The following EVPL variants were observed in gnomAD, a reference collection of about 807,000 sequenced individuals.
EVPL encodes 210 kDa cornified envelope precursor protein.
EVPL carries 94 observed loss-of-function variants against 129.7 expected under a neutral mutation model. The observed-to-expected ratio is 0.72, with a 90% CI of 0.61 to 0.86. The LOEUF is 0.86. EVPL is among the 40% of genes least tolerant of loss of function. The pLI is 0.00. For missense variants in EVPL, 2,625 were observed against 2,721.1 expected, an observed-to-expected ratio of 0.96 and a Z score of 0.79; for synonymous variants, 1,172 against 1,191.1, an observed-to-expected ratio of 0.98 and a Z score of 0.33.
intron 7 of EVPL, 38 bp from the exon 8 acceptor site, chr17:76,021,819 C>G (rs779079157): frequency 1.1e-5 from 17 of 1,570,332 alleles, no homozygotes; most frequent in Non-Finnish European, 1.3e-5. Flanking sequence ...GGTGAGGACC[C>G]GGATGGCCCT....
chr17:76,018,479 G>C lies in EVPL; in HGVS notation c.1406C>G (p.Ala469Gly). The change falls in exon 12 of 22, where the codon GCA (alanine) becomes GGA (glycine). Residue 469 changes from alanine to glycine, a missense_variant. By Grantham distance (60) the Ala-to-Gly change is moderately conservative. Around this residue, in one of 4 missense-constraint regions of EVPL, gnomAD observed 1,024 missense variants for 997.5 expected, o/e 1.03. Coordinates refer to ENST00000301607, the MANE Select transcript of EVPL (RefSeq NM_001988.4). ...RAPAACFCIP[A>G]PDPDAVARAS... ...CCTGGCCACAGCATCAGGGTCTGGT[G>C]CTGGGATGCAGAAGCAGGCGGCGGG... is the stretch of plus-strand genomic sequence containing the variant. 6.2e-7 allele frequency: 1 copy of C among 1,612,596 alleles called. No individual in the cohort carries two copies. The highest frequency in any genetic ancestry group is 8.5e-7 in the Non-Finnish European group (1 of 1,179,818).
In EVPL at chr17:76,012,075, C is replaced by G; in HGVS notation, c.2388G>C (p.Glu796Asp). 5.6e-6 allele frequency: 9 copies of G among 1,610,880 alleles called. No individual in the cohort carries two copies. The highest frequency in any genetic ancestry group is 1.3e-5 in the African/African-American group (1 of 74,986). ...KLQAQKRLTQ[E>D]IQSRERDRAT... ...CCCTGTCCCGCTCTCGGCTCTGGAT[C>G]TCCTGCGTCAGCCTCTGCCAGGGAA... The change falls in exon 19 of 22, where the codon GAG becomes GAC. Residue 796 changes from glutamate to aspartate, a missense_variant. This residue lies in a region of EVPL where 1,024 missense variants were observed against 997.5 expected (regional missense o/e 1.03). Coordinates refer to ENST00000301607, the MANE Select transcript of EVPL (RefSeq NM_001988.4).
chr17:76,015,662 G>C (rs2066414994), intron 14 of EVPL, 34 bp from the exon 15 acceptor site: 1 of 1,590,586 alleles, frequency 6.3e-7, no homozygotes, highest in African/African-American at 1.3e-5. Context: ...TCTCTGGGCA[G>C]GTGGGTTCCG....
Position 76,008,642 on chromosome 17 carries a change from C to T in EVPL, c.4563G>A (p.Lys1521=). 2 of 1,612,554 alleles carry T rather than the reference C, an allele frequency of 1.2e-6. No homozygotes were observed. Among genetic ancestry groups the T allele is most frequent in the Non-Finnish European group, 1.7e-6 (2 of 1,180,014 alleles). The stretch of plus-strand genomic sequence containing the variant: ...GGTCCTTCTGCACCCGGATCACTTC[C>T]TTGTAGATGGTCTTCTCCTGCGATT... ...KAKSQEKTIY[K]EVIRVQKDRV... Residue 1521 remains lysine (K), a synonymous_variant, in exon 22 of 22, where the codon AAG becomes AAA. Transcript: ENST00000301607. This position sits in a 1 kb window ranked among gnomAD's most constrained non-coding sequence, Gnocchi z 7.4.
chr17:76,019,725 A>G, intron 9 of EVPL, 72 bp from the exon 10 acceptor site: 1 of 1,533,220 alleles, frequency 6.5e-7, no homozygotes, highest in South Asian at 1.3e-5. Context: ...AACCAGCTGA[A>G]CCTAAGCCAG....
rs541778197 is a variant in EVPL, at chr17:76,027,187, C to T, written c.12G>A (p.Gly4=). MFK[G]LSKGSQGKGS... ...CCTTCCCCTGGGAGCCTTTGCTCAG[C>T]CCCTTGAACATGGTCGTAAAGGCAA... The change falls in exon 1 of 22, where the codon GGG becomes GGA. Residue 4 remains glycine, a synonymous_variant. Coordinates refer to ENST00000301607, the MANE Select transcript of EVPL (RefSeq NM_001988.4). 84 of 1,602,288 alleles carry T rather than the reference C, an allele frequency of 5.2e-5. No homozygotes were observed. The South Asian group carries it at 8.8e-4, about 17-fold the overall frequency.
chr17:76,013,986 G>A lies in EVPL; in HGVS notation c.2373+440C>T, dbSNP rs112572575. On this transcript the variant is annotated intron_variant, in intron 18 of 21. Coordinates refer to ENST00000301607, the MANE Select transcript of EVPL (RefSeq NM_001988.4). This position sits in a 1 kb window ranked among gnomAD's most constrained non-coding sequence, Gnocchi z 4.3. ...GCATGGGACATTTCATCCCTCCCCC[G>A]GCTACACTTGCTTCCTCCCACACTA... is the stretch of plus-strand genomic sequence containing the variant. Among the ~76,000 whole-genome samples the A allele has an allele frequency of 0.011, 1,733 of 152,112 alleles. 17 individuals carry two copies. The highest frequency in any genetic ancestry group is 0.017 in the Non-Finnish European group (1,136 of 67,982).
In EVPL at chr17:76,022,108, G is replaced by T; in HGVS notation, c.646-80C>A. On this transcript the variant is annotated intron_variant, in intron 6 of 21. Coordinates refer to ENST00000301607, the MANE Select transcript of EVPL (RefSeq NM_001988.4). The surrounding 1 kb of genome is among the most constrained non-coding windows in gnomAD (Gnocchi z 5.6). ...AAAAGGCGCCATTGGGCCGCGCTCA[G>T]GAACACTGGCCCCGGGCAGGGTCCG... 3 of 1,591,142 alleles carry T rather than the reference G, an allele frequency of 1.9e-6. No homozygotes were observed. Among genetic ancestry groups the T allele is most frequent in the Admixed American group, 3.6e-5 (2 of 55,948 alleles).
intron 14 of EVPL, 71 bp from the exon 15 acceptor site, chr17:76,015,699 ACT>A: frequency 6.7e-7 from 1 of 1,491,604 alleles, no homozygotes; most frequent in African/African-American, 1.4e-5. Context: ...GGATACCCTA[ACT>A]CTGCGCCCAT....
chr17:76,012,742 C>CTTTTT (rs56349197), intron 18 of EVPL, among the ~76,000 whole-genome samples: 34 of 117,516 alleles, frequency 2.9e-4, no homozygotes, highest in Non-Finnish European at 3.8e-4. Flanking sequence ...TCTTTCTTTT[C>CTTTTT]TTTTTTTTTT....
At chr17:76,023,011 C>T (rs894794721) in intron 4 of EVPL, among the ~76,000 whole-genome samples, 2 of 152,184 alleles carry the variant, frequency 1.3e-5, no homozygotes, top group African/African-American at 4.8e-5. Context: ...GAAGCCCAGG[C>T]TTCCTCCTGG....
rs1285010511 is a variant in EVPL at position 76,018,171 on chromosome 17, G to A, written c.1527C>T (p.Pro509=). Residue 509 remains proline (P), a synonymous_variant, in exon 13 of 22, where the codon CCC becomes CCT. Transcript: ENST00000301607. The part of the protein sequence containing the change: ...LKASAVESLR[P]SQQAPSGSDL... Reference sequence around the variant, plus strand: ...GGCCACCCTGGGTACCCTGCTGGCTGGGCCGAAGAGACTCCACAGCACTGG... The same window carrying A: ...GGCCACCCTGGGTACCCTGCTGGCTAGGCCGAAGAGACTCCACAGCACTGG... 41 of 1,550,868 alleles carry A rather than the reference G, an allele frequency of 2.6e-5. No individual in the cohort carries two copies. The highest frequency in any genetic ancestry group is 3.3e-4 in the Middle Eastern group (2 of 6,008).
chr17:76,017,786 G>T lies in EVPL; in HGVS notation c.1663C>A (p.Arg555Ser), dbSNP rs745524121. 6.2e-7 allele frequency: 1 copy of T among 1,613,196 alleles called. No homozygotes were observed. Among genetic ancestry groups the T allele is most frequent in the South Asian group, 1.1e-5 (1 of 91,084 alleles). ...VLAWARAPLS[R>S]PTPLEDLEGR... ...TCCAAGTCCTCCAAGGGTGTGGGGC[G>T]GCTCAGCGGGGCCCGCGCCCAGGCC... is the stretch of plus-strand genomic sequence containing the variant. Residue 555 changes from arginine (R) to serine (S), a missense_variant, in exon 14 of 22, where the codon CGC (arginine) becomes AGC (serine). Arg to Ser is a moderately radical substitution (Grantham distance 110, BLOSUM62 -1). This residue lies in a region of EVPL where 1,024 missense variants were observed against 997.5 expected (regional missense o/e 1.03). Transcript: ENST00000301607.
At chr17:76,023,140 C>T (rs1598245250) in intron 4 of EVPL, 152 bp downstream of exon 4, 4 of 1,357,702 alleles carry the variant, frequency 2.9e-6, no homozygotes, top group Non-Finnish European at 4.0e-6. Flanking sequence ...AGGAAGTCTT[C>T]CCTGACTGCA....
At chr17:76,011,917 C>A (rs1336544543) in intron 19 of EVPL, 35 bp from the exon 20 acceptor site, 1 of 1,608,194 alleles carries the variant, frequency 6.2e-7, no homozygotes, top group African/African-American at 1.3e-5. Flanking sequence ...GGCTGGCAAC[C>A]AGTGGGGGAG....
chr17:76,021,943 T>C lies in EVPL; in HGVS notation c.731A>G (p.Glu244Gly), dbSNP rs752005076. 8 of 1,559,944 alleles carry C rather than the reference T, an allele frequency of 5.1e-6. No homozygotes were observed. The South Asian group carries it at 9.3e-5, about 18-fold the overall frequency. Reference sequence around the variant, plus strand: ...CTGCTGCAGGATGCGGCGCTGCTGCTCAGCCAGGGCGCTCAGCTGCCGCGT... The same window carrying C: ...CTGCTGCAGGATGCGGCGCTGCTGCCCAGCCAGGGCGCTCAGCTGCCGCGT... ...GCTRQLSALA[E>G]QQRRILQQDW... is the part of the protein sequence containing the mutation. Residue 244 changes from glutamate (E) to glycine (G), a missense_variant, in exon 7 of 22, where the codon GAG becomes GGG. Physicochemically the swap from Glu to Gly is moderately conservative, Grantham distance 98 (BLOSUM62 -2). Transcript: ENST00000301607.
Position 76,021,596 on chromosome 17 carries a change from G to GC in EVPL, c.916-34dup, listed in dbSNP as rs200115767. 5.9e-3 allele frequency: 8,102 copies of GC among 1,369,520 alleles called. 126 individuals are homozygous for GC. The highest frequency in any genetic ancestry group is 0.05 in the African/African-American group (2,912 of 58,172). The allele number at this position is 1,369,520 out of a possible 1,614,324, so 84.8% of individuals were successfully genotyped here. ...CGGCAGCATGGAGCCCTCGGACCAC[G>GC]CCCCCCCCACGTCCGCCCCACCTCC... On this transcript the variant is annotated intron_variant, in intron 8 of 21. Coordinates refer to ENST00000301607, the MANE Select transcript of EVPL (RefSeq NM_001988.4).
chr17:76,009,773 C>T lies in EVPL; in HGVS notation c.3432G>A (p.Gln1144=), dbSNP rs754775757. 15 of 1,613,880 alleles carry T rather than the reference C, an allele frequency of 9.3e-6. No individual in the cohort carries two copies. The South Asian group carries it at 1.5e-4, about 17-fold the overall frequency. Residue 1144 remains glutamine (Q), a synonymous_variant, in exon 22 of 22, where the codon CAG becomes CAA. Coordinates refer to ENST00000301607, the MANE Select transcript of EVPL (RefSeq NM_001988.4). This position sits in a 1 kb window ranked among gnomAD's most constrained non-coding sequence, Gnocchi z 5.9. ...VIVKEVKKVE[Q]DPGLLQESSR... is the part of the protein sequence containing the mutation. ...AGGACTCCTGGAGGAGCCCTGGGTC[C>T]TGCTCCACCTTCTTCACCTCCTTCA...
At position 76,023,703 on chromosome 17, in the gene EVPL, C is replaced by T. The variant is rs2066479794; in HGVS notation, c.199-49G>A. On this transcript the variant is annotated intron_variant, in intron 2 of 21. Coordinates refer to ENST00000301607, the MANE Select transcript of EVPL (RefSeq NM_001988.4). The stretch of plus-strand genomic sequence containing the variant: ...TGGCCAGGGCCCAGAGCCCCCACAC[C>T]CCTGCTGCCCATCACTGTGGGCCTG... 7 of 1,486,162 alleles carry T rather than the reference C, an allele frequency of 4.7e-6. 1 individual carries two copies. The highest frequency in any genetic ancestry group is 4.6e-5 in the Admixed American group (2 of 43,220). 92.1% of individuals were successfully genotyped at this position (1,486,162 alleles called of 1,614,324 possible).
Sources: allele counts gnomAD v4.1 joint callset (sites outside exome capture counted in the v4.1 genomes callset), GRCh38; gene constraint gnomAD v4.1.1; regional missense constraint gnomAD v4.1.1; non-coding constraint Gnocchi (gnomAD v3.1); transcripts MANE v1.5; gene names NCBI Gene and HGNC (gene_info 2026-07-23, HGNC 2026-07-21).